Variants in KHDRBS2 observed in about 807,000 individuals in gnomAD.
KHDRBS2 encodes the protein KH RNA binding domain containing, signal transduction associated 2.
KHDRBS2 carries 26 observed loss-of-function variants against 44.3 expected under a neutral mutation model. The ratio of observed to expected loss-of-function variants is 0.59; its 90% CI spans 0.43 to 0.81. The LOEUF is 0.81. Ranked by LOEUF, KHDRBS2 falls within the 40% of genes least tolerant of loss-of-function variation. The probability of loss-of-function intolerance (pLI) is 0.00; values close to 1 mark genes in which losing one functional copy is unlikely to be tolerated. For synonymous variants in KHDRBS2, 194 were observed against 151.1 expected, an observed-to-expected ratio of 1.28 and a Z score of -2.08; for missense variants, 476 against 433.1, an observed-to-expected ratio of 1.10 and a Z score of -0.88.
chr6:61,655,261 CTATT>C, the KHDRBS2 span, among the ~76,000 whole-genome samples: 2 of 148,228 alleles, frequency 1.3e-5, no homozygotes, highest in Non-Finnish European at 3.0e-5. Flanking sequence ...CACACACACA[CTATT>C]TATTTCTTGA....
chr6:61,626,975 C>CG, the KHDRBS2 span, among the ~76,000 whole-genome samples: 2 of 151,900 alleles, frequency 1.3e-5, no homozygotes, highest in Non-Finnish European at 2.9e-5. Context: ...TGGCTGGGGC[C>CG]GGGCGCGGTG....
intron 6 of KHDRBS2, among the ~76,000 whole-genome samples, chr6:61,735,738 A>C (rs1178808048): frequency 1.3e-5 from 2 of 152,108 alleles, no homozygotes; most frequent in Non-Finnish European, 2.9e-5. Context: ...ATTGTATTGT[A>C]CATTTATGTT....
At chr6:62,202,525 A>C (rs924183187) in intron 1 of KHDRBS2, among the ~76,000 whole-genome samples, 16 of 151,844 alleles carry the variant, frequency 1.1e-4, no homozygotes, top group African/African-American at 3.6e-4. Flanking sequence ...TTTTCTCCCT[A>C]CTGACTAGCT....
At chr6:61,896,926 C>G (rs1475960684) in intron 5 of KHDRBS2, among the ~76,000 whole-genome samples, 1 of 152,106 alleles carries the variant, frequency 6.6e-6, no homozygotes. Flanking sequence ...ACTTTTATGA[C>G]TCTGCTTTTC....
At chr6:61,591,587 C>G in the KHDRBS2 span, among the ~76,000 whole-genome samples, 4 of 152,014 alleles carry the variant, frequency 2.6e-5, no homozygotes, top group Non-Finnish European at 4.4e-5. Context: ...CCTCTTTTCC[C>G]TTACTTGATC....
intron 2 of KHDRBS2, among the ~76,000 whole-genome samples, chr6:62,084,330 A>T (rs1387987761): frequency 1.3e-5 from 2 of 152,230 alleles, no homozygotes; most frequent in Admixed American, 6.5e-5. Context: ...ATTTTTAAAG[A>T]TTTAACATTA....
the KHDRBS2 span, among the ~76,000 whole-genome samples, chr6:61,635,298 A>G: frequency 1.3e-5 from 2 of 152,010 alleles, no homozygotes; most frequent in South Asian, 4.1e-4. Context: ...AGTCAGAATG[A>G]CTTGGGCAAG....
intron 6 of KHDRBS2, among the ~76,000 whole-genome samples, chr6:61,738,177 T>TATC (rs1270379953): frequency 6.6e-6 from 1 of 152,030 alleles, no homozygotes; most frequent in East Asian, 1.9e-4. Flanking sequence ...TTACTTAAGT[T>TATC]ATCAGTCCCA....
the KHDRBS2 span, among the ~76,000 whole-genome samples, chr6:61,624,756 G>A: frequency 6.6e-6 from 1 of 152,070 alleles, no homozygotes; most frequent in East Asian, 1.9e-4. Flanking sequence ...TTTGGGACAC[G>A]ATATATACGC....
chr6:61,631,305 C>CAAAAAAAAAAAAA, the KHDRBS2 span, among the ~76,000 whole-genome samples: 16 of 66,994 alleles, frequency 2.4e-4, 2 homozygotes, highest in Non-Finnish European at 2.9e-4. Context: ...ACGAATAAGC[C>CAAAAAAAAAAAAA]AAAAAAAAAA....
chr6:62,210,930 A>T (rs1046688205), intron 1 of KHDRBS2, among the ~76,000 whole-genome samples: 1 of 152,174 alleles, frequency 6.6e-6, no homozygotes, highest in Non-Finnish European at 1.5e-5. Context: ...ATAAGGTTTC[A>T]TTTATAATAA....
At chr6:61,971,918 G>T (rs990338167) in intron 4 of KHDRBS2, among the ~76,000 whole-genome samples, 5 of 151,988 alleles carry the variant, frequency 3.3e-5, no homozygotes, top group Non-Finnish European at 5.9e-5. Flanking sequence ...AATTCTACTA[G>T]GTCAGTGGCT....
the KHDRBS2 span, among the ~76,000 whole-genome samples, chr6:61,667,820 G>A: frequency 6.6e-6 from 1 of 151,162 alleles, no homozygotes; most frequent in Non-Finnish European, 1.5e-5. Context: ...GTTTTCTTGG[G>A]TGATACAATG....
Position 62,166,130 on chromosome 6 carries a change from T to C in KHDRBS2, c.219+11055A>G, listed in dbSNP as rs561084800. Among the ~76,000 whole-genome samples, 7 of 152,206 alleles carry C rather than the reference T, an allele frequency of 4.6e-5. No homozygotes were observed. The East Asian group carries it at 9.6e-4, about 21-fold the overall frequency. ...TGTTCATCTATGTCGTAGAATGTAA[T>C]AGAATGTAATGAAATTCTATTATTC... On this transcript the variant is annotated intron_variant, in intron 2 of 8. Coordinates refer to ENST00000281156, the MANE Select transcript of KHDRBS2 (RefSeq NM_152688.4).
At chr6:61,890,134 C>T (rs1392583864) in intron 6 of KHDRBS2, among the ~76,000 whole-genome samples, 3 of 152,064 alleles carry the variant, frequency 2.0e-5, no homozygotes, top group Non-Finnish European at 4.4e-5. Context: ...TTTATGAAAG[C>T]AGACATTTGG....
downstream of KHDRBS2, among the ~76,000 whole-genome samples, chr6:61,676,185 G>T (rs55829197): frequency 0.061 from 9,258 of 151,816 alleles, 378 homozygotes; most frequent in Middle Eastern, 0.095. Context: ...GCCACTAAAA[G>T]GATACTAACT....
chr6:61,910,917 G>A (rs188082576), intron 4 of KHDRBS2, among the ~76,000 whole-genome samples: 27 of 152,146 alleles, frequency 1.8e-4, no homozygotes, highest in African/African-American at 6.3e-4. Flanking sequence ...CATGATATAC[G>A]AGCTTTATTT....
At chr6:62,171,136 T>C (rs1457976561) in intron 2 of KHDRBS2, among the ~76,000 whole-genome samples, 1 of 151,972 alleles carries the variant, frequency 6.6e-6, no homozygotes, top group African/African-American at 2.4e-5. Flanking sequence ...CTGGGTGAAA[T>C]GGCAGATACA....
At chr6:61,781,243 C>T (rs765340162) in intron 6 of KHDRBS2, among the ~76,000 whole-genome samples, 31 of 152,072 alleles carry the variant, frequency 2.0e-4, no homozygotes, top group Non-Finnish European at 3.2e-4. Flanking sequence ...AATTTAGCAT[C>T]CCAGTAACTC....
Sources: gnomAD v4.1 joint callset for allele counts (sites outside exome capture counted in the v4.1 genomes callset) on GRCh38, gnomAD v4.1.1 for gene constraint, MANE v1.5 for transcripts, NCBI Gene and HGNC (gene_info 2026-07-23, HGNC 2026-07-21) for gene names.